Variants in LAMA2 observed in about 807,000 individuals in gnomAD.
LAMA2 encodes laminin subunit alpha-2.
Under a neutral mutation model 364.8 loss-of-function variants are expected in LAMA2, and 269 were observed. That is an observed-to-expected ratio of 0.74 (90% CI 0.67 to 0.82). LAMA2 has a LOEUF of 0.82. LAMA2 is among the 40% of genes least tolerant of loss of function. The pLI, the probability that LAMA2 is intolerant of heterozygous loss-of-function variation, is 0.00. For missense variants in LAMA2, 3,807 were observed against 3,873.2 expected, an observed-to-expected ratio of 0.98 and a Z score of 0.45; for synonymous variants, 1,379 against 1,370.6, an observed-to-expected ratio of 1.01 and a Z score of -0.14.
chr6:129,154,559 G>A lies in LAMA2; in HGVS notation c.1082G>A (p.Arg361Lys). The A allele has an allele frequency of 1.2e-6, 2 of 1,614,040 alleles. No individual in the cohort carries two copies. The highest frequency in any genetic ancestry group is 1.7e-6 in the Non-Finnish European group (2 of 1,179,924). ...TGCTATTATGATGAAAATGTTGCCA[G>A]AAGAAATCTGAGTTTGAATATACGT... ...EECYYDENVA[R>K]RNLSLNIRGK... Residue 361 changes from arginine to lysine, a missense_variant, in exon 8 of 65, where the codon AGA becomes AAA. Transcript: ENST00000421865.
At chr6:129,339,444 T>C (rs998860956) in intron 29 of LAMA2, among the ~76,000 whole-genome samples, 1 of 152,212 alleles carries the variant, frequency 6.6e-6, no homozygotes, top group African/African-American at 2.4e-5. Context: ...CAATATTTAT[T>C]CAAGAAGCAA....
chr6:129,487,697 T>C (rs988496730), intron 56 of LAMA2, among the ~76,000 whole-genome samples: 4 of 152,130 alleles, frequency 2.6e-5, no homozygotes, highest in Admixed American at 2.6e-4. Flanking sequence ...CTTTCCTCAG[T>C]TTTTATTATT....
intron 1 of LAMA2, among the ~76,000 whole-genome samples, chr6:129,041,877 T>C (rs1787123131): frequency 6.6e-6 from 1 of 151,962 alleles, no homozygotes; most frequent in African/African-American, 2.4e-5. Context: ...TGCATGCCTG[T>C]AGTTACAGCT....
In LAMA2 at chr6:129,096,889, C is replaced by T. The variant is rs1031073066; in HGVS notation, c.397-1284C>T. Among the ~76,000 whole-genome samples, 6 of 152,178 alleles carry T rather than the reference C, an allele frequency of 3.9e-5. No homozygotes were observed. In the East Asian group the frequency reaches 5.8e-4, roughly 15 times the overall value. ...ATAGCATCAGAGCCACCTGTATTAC[C>T]GCATTCCATACCAAATTTTTATATT... On this transcript the variant is annotated intron_variant, in intron 3 of 64. Transcript: ENST00000421865.
chr6:129,071,468 T>C (rs1229688242), intron 3 of LAMA2, among the ~76,000 whole-genome samples: 1 of 152,092 alleles, frequency 6.6e-6, no homozygotes, highest in Non-Finnish European at 1.5e-5. Flanking sequence ...TTTACTACAT[T>C]TTCTTAGCTT....
At chr6:129,317,731 G>A (rs1295328420) in intron 27 of LAMA2, among the ~76,000 whole-genome samples, 1 of 152,170 alleles carries the variant, frequency 6.6e-6, no homozygotes, top group Non-Finnish European at 1.5e-5. Context: ...TCGTGAGTTT[G>A]CAAATAGATT....
chr6:129,507,577 T>C lies in LAMA2; in HGVS notation c.8792T>C (p.Val2931Ala), dbSNP rs747041167. 2 of 1,614,180 alleles carry C rather than the reference T, an allele frequency of 1.2e-6. No homozygotes were observed. The highest frequency in any genetic ancestry group is 1.7e-5 in the Admixed American group (1 of 60,028). Residue 2931 changes from valine to alanine, a missense_variant, in exon 62 of 65, where the codon GTT becomes GCT. Transcript: ENST00000421865. ...DLEQPTSSFH[V>A]GTCFANAQRG... is the part of the protein sequence containing the mutation. ...GAACAACCCACCTCCAGCTTCCATG[T>C]TGGGACATGTTTTGCAAATGCTCAG...
At chr6:129,058,887 G>A (rs1232943255) in intron 2 of LAMA2, among the ~76,000 whole-genome samples, 1 of 152,174 alleles carries the variant, frequency 6.6e-6, no homozygotes, top group Non-Finnish European at 1.5e-5. Context: ...GGGAAGATGG[G>A]GAAAATATGG....
intron 1 of LAMA2, among the ~76,000 whole-genome samples, chr6:128,962,163 T>TATATAC: frequency 8.4e-6 from 1 of 119,748 alleles, no homozygotes; most frequent in South Asian, 2.6e-4. Context: ...TATATATATA[T>TATATAC]ATATATATAT....
rs187801215 is a variant in LAMA2, at chr6:128,995,446, A to T, written c.113-54472A>T. 1.1e-4 allele frequency among the ~76,000 whole-genome samples: 16 copies of T among 152,208 alleles called. No homozygotes were observed. The East Asian group carries it at 3.1e-3, about 30-fold the overall frequency. ...AAGCACTTCTCCTGCTTCAGCCTCCATAGTAGCTGGGATTACAGGTGCCTG... is the reference window on the plus strand; with the variant it reads ...AAGCACTTCTCCTGCTTCAGCCTCCTTAGTAGCTGGGATTACAGGTGCCTG... On this transcript the variant is annotated intron_variant, in intron 1 of 64. Transcript: ENST00000421865.
intron 51 of LAMA2, among the ~76,000 whole-genome samples, chr6:129,472,586 C>T (rs1476138189): frequency 6.6e-6 from 1 of 151,828 alleles, no homozygotes; most frequent in East Asian, 1.9e-4. Context: ...TTAAAAATAC[C>T]TTGAGAGACC....
intron 51 of LAMA2, among the ~76,000 whole-genome samples, chr6:129,472,538 T>A (rs1347636339): frequency 1.3e-5 from 2 of 151,958 alleles, no homozygotes; most frequent in Non-Finnish European, 2.9e-5. Flanking sequence ...TCATCTTTCC[T>A]TTTTTCCATC....
chr6:129,319,330 T>TA (rs1774810124), intron 27 of LAMA2, among the ~76,000 whole-genome samples: 1 of 152,192 alleles, frequency 6.6e-6, no homozygotes, highest in Non-Finnish European at 1.5e-5. Context: ...AATGTCTAAT[T>TA]AATTGGCCGT....
At chr6:129,090,544 A>G (rs1170882029) in intron 3 of LAMA2, among the ~76,000 whole-genome samples, 1 of 152,198 alleles carries the variant, frequency 6.6e-6, no homozygotes, top group Non-Finnish European at 1.5e-5. Context: ...TCTCTCAATC[A>G]ATAACATTTT....
rs755918996 is a variant in LAMA2, at chr6:129,439,713, C to A, written c.6085+951C>A. Among the ~76,000 whole-genome samples the A allele has an allele frequency of 9.4e-4, 142 of 151,520 alleles. 1 individual carries two copies. In the Middle Eastern group the frequency reaches 0.021, roughly 22 times the overall value. ...ATATTGTTAAAGCATGATATAATAACAACAAAGATTATAAACACTTATTGA... is the reference window on the plus strand; with the variant it reads ...ATATTGTTAAAGCATGATATAATAAAAACAAAGATTATAAACACTTATTGA... On this transcript the variant is annotated intron_variant, in intron 42 of 64. Transcript: ENST00000421865.
intron 27 of LAMA2, among the ~76,000 whole-genome samples, chr6:129,318,431 A>G (rs1045815857): frequency 1.3e-5 from 2 of 152,172 alleles, no homozygotes; most frequent in Non-Finnish European, 2.9e-5. Context: ...AAAATGGTGT[A>G]TTGCAGAAAT....
chr6:129,130,885 G>A (rs966170682), intron 4 of LAMA2, among the ~76,000 whole-genome samples: 1 of 152,134 alleles, frequency 6.6e-6, no homozygotes, highest in Non-Finnish European at 1.5e-5. Context: ...AAATGAAACA[G>A]TTTTGTTGCC....
chr6:129,370,101 G>A lies in LAMA2; in HGVS notation c.4959+111G>A, dbSNP rs780644685. On this transcript the variant is annotated intron_variant, in intron 34 of 64. Coordinates refer to ENST00000421865, the MANE Select transcript of LAMA2 (RefSeq NM_000426.4). ...CACCTTCTTCCTAATTCCCAATTTGGTATATAAAATAGATGTATTCTGACT... is the reference window on the plus strand; with the variant it reads ...CACCTTCTTCCTAATTCCCAATTTGATATATAAAATAGATGTATTCTGACT... 130 of 865,354 alleles carry A rather than the reference G, an allele frequency of 1.5e-4. 1 individual carries two copies. Among genetic ancestry groups the A allele is most frequent in the Middle Eastern group, 7.0e-4 (3 of 4,296 alleles). The allele number at this position is 865,354 out of a possible 1,614,324, so 53.6% of individuals were successfully genotyped here.
At chr6:129,266,466 G>C (rs1401823845) in intron 15 of LAMA2, among the ~76,000 whole-genome samples, 1 of 152,088 alleles carries the variant, frequency 6.6e-6, no homozygotes, top group Non-Finnish European at 1.5e-5. Flanking sequence ...AAGAATGTGA[G>C]AAATAAATCA....
Sources: gnomAD v4.1 joint callset for allele counts (sites outside exome capture counted in the v4.1 genomes callset) on GRCh38, gnomAD v4.1.1 for gene constraint, MANE v1.5 for transcripts, NCBI Gene and HGNC (gene_info 2026-07-23, HGNC 2026-07-21) for gene names.